Variants in MYRIP observed in about 807,000 individuals in gnomAD.
MYRIP encodes myosin VIIA and Rab interacting protein.
A neutral mutation model predicts 98.0 loss-of-function variants in MYRIP; 49 were observed. The ratio of observed to expected loss-of-function variants is 0.50; its 90% CI spans 0.40 to 0.63. The LOEUF is 0.63. MYRIP is among the 30% of genes least tolerant of loss of function. MYRIP has a pLI of 0.00. For synonymous variants in MYRIP, 404 were observed against 409.5 expected (o/e 0.99, Z 0.16); for missense variants, 1,004 against 1,058.2 (o/e 0.95, Z 0.71).
At chr3:39,818,624 TCTA>T (rs1477466565) in intron 1 of MYRIP, among the ~76,000 whole-genome samples, 1 of 152,210 alleles carries the variant, frequency 6.6e-6, no homozygotes, top group Non-Finnish European at 1.5e-5. Context: ...AATAAGTTTT[TCTA>T]TGATAGACTT....
intron 13 of MYRIP, 77 bp downstream of exon 13, chr3:40,244,684 A>T: frequency 6.9e-7 from 1 of 1,452,638 alleles, no homozygotes; most frequent in South Asian, 1.5e-5. Flanking sequence ...GAATCACTTT[A>T]AAGCCATTGT....
intron 2 of MYRIP, among the ~76,000 whole-genome samples, chr3:40,034,443 A>G (rs918237421): frequency 5.9e-5 from 9 of 152,090 alleles, no homozygotes; most frequent in Non-Finnish European, 1.2e-4. Flanking sequence ...AAAAGAAGAC[A>G]TTTATGCAGC....
At chr3:40,035,611 G>GA (rs1231739259) in intron 2 of MYRIP, among the ~76,000 whole-genome samples, 5 of 151,702 alleles carry the variant, frequency 3.3e-5, no homozygotes, top group African/African-American at 1.2e-4. Context: ...ATTATTTTTA[G>GA]AAAAAAGTAT....
chr3:39,873,051 C>T (rs1942854579), intron 1 of MYRIP, among the ~76,000 whole-genome samples: 1 of 152,152 alleles, frequency 6.6e-6, no homozygotes, highest in Admixed American at 6.6e-5. Flanking sequence ...GAGATGATAT[C>T]TCATTGTGGT....
At chr3:39,919,304 C>G (rs1944245284) in intron 2 of MYRIP, among the ~76,000 whole-genome samples, 1 of 152,178 alleles carries the variant, frequency 6.6e-6, no homozygotes, top group Non-Finnish European at 1.5e-5. Flanking sequence ...TTTCCCTCTC[C>G]TGCTCTAAAG....
intron 2 of MYRIP, among the ~76,000 whole-genome samples, chr3:39,996,689 G>C (rs1157141904): frequency 1.3e-5 from 2 of 152,110 alleles, no homozygotes; most frequent in Non-Finnish European, 2.9e-5. Context: ...GGACCTAATA[G>C]ACATCTACAG....
At chr3:40,059,541 G>A (rs1006911198) in intron 3 of MYRIP, among the ~76,000 whole-genome samples, 1 of 152,112 alleles carries the variant, frequency 6.6e-6, no homozygotes, top group Non-Finnish European at 1.5e-5. Flanking sequence ...CATTGATGAT[G>A]AGCTTTTTTT....
intron 3 of MYRIP, among the ~76,000 whole-genome samples, chr3:40,123,519 C>T (rs1252492903): frequency 6.6e-6 from 1 of 152,202 alleles, no homozygotes; most frequent in Non-Finnish European, 1.5e-5. Context: ...GATAGCTCCC[C>T]TTCTTACACA....
intron 1 of MYRIP, among the ~76,000 whole-genome samples, chr3:39,846,942 G>A (rs1207356854): frequency 6.6e-6 from 1 of 152,152 alleles, no homozygotes; most frequent in Non-Finnish European, 1.5e-5. Context: ...GTCTGCTGGA[G>A]AATCCTCTCT....
chr3:39,873,345 A>C (rs541640189), intron 1 of MYRIP, among the ~76,000 whole-genome samples: 1 of 152,132 alleles, frequency 6.6e-6, no homozygotes. Context: ...TAGTTTAATG[A>C]GATCCCATTT....
chr3:39,971,669 A>G (rs1390652256), intron 2 of MYRIP, among the ~76,000 whole-genome samples: 1 of 152,084 alleles, frequency 6.6e-6, no homozygotes, highest in Non-Finnish European at 1.5e-5. Context: ...AGGACTCCTT[A>G]GAGATCACCA....
chr3:39,887,530 A>T (rs974016246), intron 1 of MYRIP, among the ~76,000 whole-genome samples: 1 of 152,168 alleles, frequency 6.6e-6, no homozygotes, highest in South Asian at 2.1e-4. Flanking sequence ...ACGTATTTCA[A>T]AATAATGAGA....
rs1953686046 is a variant in MYRIP at position 40,258,893 on chromosome 3, G to T, written c.*727G>T. On this transcript the variant is annotated 3_prime_UTR_variant, in exon 17 of 17. Coordinates refer to ENST00000302541, the MANE Select transcript of MYRIP (RefSeq NM_015460.4). ...CATTAAGAATTTAGGGTTCTTCCAT[G>T]GGCTTACTGACAGTTGCCCAGATCT... The T allele has an allele frequency of 6.6e-6, 1 of 152,278 alleles. No homozygotes were observed. Among genetic ancestry groups the T allele is most frequent in the South Asian group, 2.1e-4 (1 of 4,820 alleles). The allele number at this position is 152,278 out of a possible 1,614,324, so 9.4% of individuals were successfully genotyped here. A position where few individuals can be genotyped will look rare whatever the true frequency, so the allele number is the denominator to read the frequency against.
intron 3 of MYRIP, among the ~76,000 whole-genome samples, chr3:40,086,701 C>T (rs112604631): frequency 2.6e-5 from 4 of 152,288 alleles, no homozygotes; most frequent in Admixed American, 6.5e-5. Context: ...CCTCCAGTTC[C>T]ACTATGCATC....
intron 2 of MYRIP, among the ~76,000 whole-genome samples, chr3:39,924,496 A>G (rs2125693875): frequency 6.6e-6 from 1 of 152,236 alleles, no homozygotes; most frequent in Non-Finnish European, 1.5e-5. Context: ...TTAAATTGGT[A>G]GAACTAACAC....
At chr3:39,826,065 C>G (rs973587183) in intron 1 of MYRIP, among the ~76,000 whole-genome samples, 1 of 151,610 alleles carries the variant, frequency 6.6e-6, no homozygotes, top group Admixed American at 6.6e-5. Context: ...TAGGCCTTCT[C>G]TCTTTTTTTC....
At chr3:40,122,245 AAATT>A (rs1452913771) in intron 3 of MYRIP, among the ~76,000 whole-genome samples, 4 of 151,682 alleles carry the variant, frequency 2.6e-5, no homozygotes, top group Non-Finnish European at 5.9e-5. Context: ...AATGAAAAAG[AAATT>A]GGACATGTAT....
At chr3:40,251,180 T>C (rs932144692) in intron 15 of MYRIP, among the ~76,000 whole-genome samples, 4 of 152,216 alleles carry the variant, frequency 2.6e-5, no homozygotes, top group African/African-American at 9.6e-5. Context: ...AAACTAGAAA[T>C]TTAGATTTAC....
Position 40,151,121 on chromosome 3 carries a change from A to C in MYRIP, c.406A>C (p.Lys136Gln). 6.2e-7 allele frequency: 1 copy of C among 1,611,596 alleles called. No individual in the cohort carries two copies. The highest frequency in any genetic ancestry group is 8.5e-7 in the Non-Finnish European group (1 of 1,178,754). Reference protein sequence around the residue: ...KSRFKRFGSAKVLKNLYRKHR... With the variant: ...KSRFKRFGSAQVLKNLYRKHR... ...CCGCTTCAAGCGCTTTGGCAGTGCC[A>C]AGGTTCTGAAGAACCTGTACAGGAA... The change falls in exon 4 of 17, where the codon AAG becomes CAG. Residue 136 changes from lysine (K) to glutamine (Q), a missense_variant. By Grantham distance (53) the Lys-to-Gln change is moderately conservative. This residue lies in a region of MYRIP where 880 missense variants were observed against 907.7 expected (regional missense o/e 0.97). Coordinates refer to ENST00000302541, the MANE Select transcript of MYRIP (RefSeq NM_015460.4).
Sources: allele counts gnomAD v4.1 joint callset (sites outside exome capture counted in the v4.1 genomes callset), GRCh38; gene constraint gnomAD v4.1.1; regional missense constraint gnomAD v4.1.1; transcripts MANE v1.5; gene names NCBI Gene and HGNC (gene_info 2026-07-23, HGNC 2026-07-21).